Variants in RAB3C observed in about 807,000 individuals in gnomAD.
RAB3C encodes RAB3C, member RAS oncogene family, also known as ras-related protein Rab-3C.
RAB3C carries 17 observed loss-of-function variants against 26.4 expected under a neutral mutation model. That is an observed-to-expected ratio of 0.64 (90% confidence interval 0.44 to 0.97). RAB3C has a LOEUF of 0.97. Ranked by LOEUF, RAB3C falls within the 50% of genes least tolerant of loss-of-function variation. The pLI is 0.00. For missense variants in RAB3C, 242 were observed against 281.9 expected (o/e 0.86, Z 1.01); for synonymous variants, 91 against 95.9 (o/e 0.95, Z 0.30).
In RAB3C at chr5:58,792,909, G is replaced by T. The variant is rs533793092; in HGVS notation, c.372-32129G>T. Among the ~76,000 whole-genome samples the T allele has an allele frequency of 3.9e-5, 6 of 152,144 alleles. No homozygotes were observed. In the South Asian group the frequency reaches 1.0e-3, roughly 26 times the overall value. The stretch of plus-strand genomic sequence containing the variant: ...ATTGTTAGAATTTACACTAAGAAAA[G>T]ATTTTTTGAGGGCAGGAGTATTTTA... On this transcript the variant is annotated intron_variant, in intron 3 of 4. Transcript: ENST00000282878.
chr5:58,731,019 A>G (rs187559612), intron 3 of RAB3C, among the ~76,000 whole-genome samples: 94 of 152,216 alleles, frequency 6.2e-4, no homozygotes, highest in African/African-American at 2.2e-3. Context: ...ACTTACTATC[A>G]TAAGAACAAC....
intron 4 of RAB3C, chr5:58,848,606 A>AT (rs1744052250): frequency 6.6e-6 from 1 of 152,210 alleles, no homozygotes; most frequent in South Asian, 2.1e-4. Context: ...AATGTATAAA[A>AT]TGCTCTGAAT....
intron 3 of RAB3C, among the ~76,000 whole-genome samples, chr5:58,739,656 T>C (rs1741235032): frequency 6.6e-6 from 1 of 152,202 alleles, no homozygotes; most frequent in Non-Finnish European, 1.5e-5. Context: ...AGAGCCCATA[T>C]TAAGTATTCT....
chr5:58,692,050 C>T (rs1748580448), intron 2 of RAB3C, among the ~76,000 whole-genome samples: 1 of 152,170 alleles, frequency 6.6e-6, no homozygotes, highest in South Asian at 2.1e-4. Flanking sequence ...AGTAAGCCTG[C>T]TGTACAATGG....
At chr5:58,600,309 C>A (rs1445975501) in intron 1 of RAB3C, among the ~76,000 whole-genome samples, 1 of 151,962 alleles carries the variant, frequency 6.6e-6, no homozygotes, top group African/African-American at 2.4e-5. Flanking sequence ...CTTAATCTTG[C>A]TTTGGCTATG....
chr5:58,733,252 A>G (rs1741065051), intron 3 of RAB3C, among the ~76,000 whole-genome samples: 1 of 152,132 alleles, frequency 6.6e-6, no homozygotes, highest in Admixed American at 6.6e-5. Context: ...GAAAACGCAG[A>G]CCATATTCAT....
chr5:58,783,450 A>G (rs1176189051), intron 3 of RAB3C, among the ~76,000 whole-genome samples: 1 of 152,178 alleles, frequency 6.6e-6, no homozygotes, highest in Non-Finnish European at 1.5e-5. Context: ...TAAACCAAAA[A>G]TAGATTGTAT....
chr5:58,740,969 C>A (rs1264951105), intron 3 of RAB3C, among the ~76,000 whole-genome samples: 1 of 152,210 alleles, frequency 6.6e-6, no homozygotes, highest in South Asian at 2.1e-4. Context: ...GGGCCACCCT[C>A]ACTTCTGACC....
chr5:58,749,174 T>C (rs1481722515), intron 3 of RAB3C, among the ~76,000 whole-genome samples: 1 of 152,232 alleles, frequency 6.6e-6, no homozygotes, highest in African/African-American at 2.4e-5. Context: ...CCTATTCCCT[T>C]TTCTTCTATT....
intron 3 of RAB3C, among the ~76,000 whole-genome samples, chr5:58,766,368 G>T (rs941893070): frequency 6.6e-6 from 1 of 151,894 alleles, no homozygotes; most frequent in Non-Finnish European, 1.5e-5. Flanking sequence ...CACCCACCTC[G>T]GCCCCCCAAA....
intron 3 of RAB3C, among the ~76,000 whole-genome samples, chr5:58,813,310 C>T (rs1743128428): frequency 6.6e-6 from 1 of 151,902 alleles, no homozygotes. Flanking sequence ...CTAGAGTGAC[C>T]AATATTCCAT....
chr5:58,668,996 G>T (rs1330385993), intron 2 of RAB3C, among the ~76,000 whole-genome samples: 3 of 152,090 alleles, frequency 2.0e-5, no homozygotes, highest in Admixed American at 1.3e-4. Context: ...TCTTCTTGCT[G>T]CATACAGAGG....
intron 2 of RAB3C, among the ~76,000 whole-genome samples, chr5:58,650,419 A>C (rs551839191): frequency 6.6e-6 from 1 of 152,342 alleles, no homozygotes; most frequent in South Asian, 2.1e-4. Flanking sequence ...AGCAGTCAAG[A>C]AACTTGAAAA....
At chr5:58,629,173 AT>A (rs912792917) in intron 2 of RAB3C, among the ~76,000 whole-genome samples, 2 of 151,268 alleles carry the variant, frequency 1.3e-5, no homozygotes, top group African/African-American at 4.9e-5. Flanking sequence ...ATTTTTTTAA[AT>A]TTTTTTTGTT....
chr5:58,683,134 G>C (rs976787432), intron 2 of RAB3C, among the ~76,000 whole-genome samples: 2 of 152,236 alleles, frequency 1.3e-5, no homozygotes, highest in African/African-American at 4.8e-5. Context: ...CATGAACATG[G>C]TTTATTATTT....
intron 3 of RAB3C, among the ~76,000 whole-genome samples, chr5:58,780,415 T>C (rs1356119738): frequency 6.6e-6 from 1 of 152,182 alleles, no homozygotes; most frequent in Admixed American, 6.6e-5. Context: ...TGTATTTAAG[T>C]ATAACAAATT....
At chr5:58,678,990 G>A (rs555511251) in intron 2 of RAB3C, among the ~76,000 whole-genome samples, 1 of 152,084 alleles carries the variant, frequency 6.6e-6, no homozygotes, top group South Asian at 2.1e-4. Context: ...GCTAATATAT[G>A]TTTCCTGAGC....
intron 3 of RAB3C, among the ~76,000 whole-genome samples, chr5:58,810,906 C>T (rs932019917): frequency 2.6e-5 from 4 of 152,284 alleles, no homozygotes; most frequent in South Asian, 4.1e-4. Context: ...CCCTTATTCA[C>T]TCATTTTAAT....
intron 3 of RAB3C, chr5:58,784,928 C>G (rs1261661167): frequency 6.6e-6 from 1 of 152,174 alleles, no homozygotes; most frequent in Non-Finnish European, 1.5e-5. Flanking sequence ...TGGTGTGTAT[C>G]CCACAGGAAA....
Sources: allele counts gnomAD v4.1 joint callset (sites outside exome capture counted in the v4.1 genomes callset), GRCh38; gene constraint gnomAD v4.1.1; transcripts MANE v1.5; gene names NCBI Gene and HGNC (gene_info 2026-07-23, HGNC 2026-07-21).